The following NET1 variants were observed in gnomAD, a reference collection of about 807,000 sequenced individuals.
NET1 encodes neuroepithelial cell-transforming gene 1 protein.
In NET1, 42 loss-of-function variants were observed where a neutral mutation model predicts 61.1. That is an observed-to-expected ratio of 0.69 (90% confidence interval 0.54 to 0.89). The LOEUF is 0.89. Among genes scored for constraint, NET1 ranks in the 40% least tolerant of loss-of-function variants. The pLI, the probability that NET1 is intolerant of heterozygous loss-of-function variation, is 0.00. For missense variants in NET1, 654 were observed against 747.3 expected, an observed-to-expected ratio of 0.88 and a Z score of 1.46; for synonymous variants, 254 against 281.8, an observed-to-expected ratio of 0.90 and a Z score of 0.99.
chr10:5,445,242 A>G (rs1028645323), intron 3 of NET1, among the ~76,000 whole-genome samples: 3 of 152,220 alleles, frequency 2.0e-5, no homozygotes, highest in African/African-American at 4.8e-5. Flanking sequence ...TATGAAAAAT[A>G]TTACATTCAA....
rs67989874 is a variant in NET1, at chr10:5,451,503, CT to C, written c.256-319del. On this transcript the variant is annotated intron_variant, in intron 3 of 11. Transcript: ENST00000355029. The surrounding 1 kb of genome is among the most constrained non-coding windows in gnomAD (Gnocchi z 6.1). ...TTCGAAAATTTTCATAACAATAAGG[CT>C]TTTTTTTAAAAAAAAAAAAAGTTAT... 7.6e-6 allele frequency among the ~76,000 whole-genome samples: 1 copy of C among 131,430 alleles called. No homozygotes were observed. The highest frequency in any genetic ancestry group is 2.2e-4 in the East Asian group (1 of 4,598). The allele number at this position is 131,430 out of a possible 152,430, so 86.2% of individuals were successfully genotyped here. A position where few individuals can be genotyped will look rare whatever the true frequency, so the allele number is the denominator to read the frequency against.
chr10:5,449,242 A>G lies in NET1; in HGVS notation c.256-2588A>G, dbSNP rs1832667237. On this transcript the variant is annotated intron_variant, in intron 3 of 11. Coordinates refer to ENST00000355029, the MANE Select transcript of NET1 (RefSeq NM_001047160.3). This position sits in a 1 kb window ranked among gnomAD's most constrained non-coding sequence, Gnocchi z 4.4. ...TTGTTCATACTTTTAAAATATATAT[A>G]CTAAAAGTTTGTTTTGTATTTGCCA... is the stretch of plus-strand genomic sequence containing the variant. Among the ~76,000 whole-genome samples the G allele has an allele frequency of 1.3e-5, 2 of 152,292 alleles. No homozygotes were observed. The highest frequency in any genetic ancestry group is 1.3e-4 in the Admixed American group (2 of 15,292).
chr10:5,451,602 CT>C lies in NET1; in HGVS notation c.256-227del, dbSNP rs1832704744. ...CTTGTTTGAATTTTAATTTTTTCCC[CT>C]ATTGGAAATATTTGACTGGCCTTTC... On this transcript the variant is annotated intron_variant, in intron 3 of 11. Transcript: ENST00000355029. The surrounding 1 kb of genome is among the most constrained non-coding windows in gnomAD (Gnocchi z 6.1). Among the ~76,000 whole-genome samples the C allele has an allele frequency of 6.6e-6, 1 of 151,640 alleles. No homozygotes were observed. Among genetic ancestry groups the C allele is most frequent in the Admixed American group, 6.6e-5 (1 of 15,238 alleles).
Position 5,454,269 on chromosome 10 carries a change from C to G in NET1, c.773C>G (p.Pro258Arg). 1.9e-6 allele frequency: 3 copies of G among 1,610,866 alleles called. No individual in the cohort carries two copies. The highest frequency in any genetic ancestry group is 2.5e-6 in the Non-Finnish European group (3 of 1,179,072). Reference sequence around the variant, plus strand: ...TTTTCTTTTATTACTCTTCAGTTACCGCGCTTGAATGCCTACAGAGGTTAC... The same window carrying G: ...TTTTCTTTTATTACTCTTCAGTTACGGCGCTTGAATGCCTACAGAGGTTAC... ...QIGHILVSWLPRLNAYRGYCS... is the reference protein window; with the variant it reads ...QIGHILVSWLRRLNAYRGYCS... The change falls in exon 9 of 12, where the codon CCG becomes CGG. Residue 258 changes from proline (P) to arginine (R), a missense_variant. By Grantham distance (103) the Pro-to-Arg change is moderately radical. Coordinates refer to ENST00000355029, the MANE Select transcript of NET1 (RefSeq NM_001047160.3). The surrounding 1 kb of genome is among the most constrained non-coding windows in gnomAD (Gnocchi z 8.1).
Position 5,458,095 on chromosome 10 carries a change from G to A in NET1, c.*1101G>A, listed in dbSNP as rs377053157. On this transcript the variant is annotated 3_prime_UTR_variant, in exon 12 of 12. Coordinates refer to ENST00000355029, the MANE Select transcript of NET1 (RefSeq NM_001047160.3). The surrounding 1 kb of genome is among the most constrained non-coding windows in gnomAD (Gnocchi z 4.5). Reference sequence around the variant, plus strand: ...GTAGTAAGTTGTAGAAGGCTCGAGGGGACGTGGACTTATTTGCCTTGGTTT... The same window carrying A: ...GTAGTAAGTTGTAGAAGGCTCGAGGAGACGTGGACTTATTTGCCTTGGTTT... The A allele has an allele frequency of 1.3e-5, 2 of 152,078 alleles. No homozygotes were observed. Among genetic ancestry groups the A allele is most frequent in the African/African-American group, 4.8e-5 (2 of 41,414 alleles). The allele number at this position is 152,078 out of a possible 1,614,324, so 9.4% of individuals were successfully genotyped here. A position where few individuals can be genotyped will look rare whatever the true frequency, so the allele number is the denominator to read the frequency against.
At position 5,432,705 on chromosome 10, in the gene NET1, A is replaced by C. The variant is rs1225072814; in HGVS notation, c.255+3476A>C. On this transcript the variant is annotated intron_variant, in intron 3 of 11. Transcript: ENST00000355029. ...ACTCTTCTACCCTACTCACTCTTTCAGATGAAATCTTTTTTTTTTTTAATT... is the reference window on the plus strand; with the variant it reads ...ACTCTTCTACCCTACTCACTCTTTCCGATGAAATCTTTTTTTTTTTTAATT... 2.0e-5 allele frequency among the ~76,000 whole-genome samples: 3 copies of C among 148,066 alleles called. No individual in the cohort carries two copies. The East Asian group carries it at 5.9e-4, about 29-fold the overall frequency.
chr10:5,453,469 T>C lies in NET1; in HGVS notation c.692-15T>C. On this transcript the variant is annotated splice_polypyrimidine_tract_variant and intron_variant, in intron 7 of 11. Coordinates refer to ENST00000355029, the MANE Select transcript of NET1 (RefSeq NM_001047160.3). This position sits in a 1 kb window ranked among gnomAD's most constrained non-coding sequence, Gnocchi z 4.9. ...TAAACCTGTTAATGGTGTTTATGCT[T>C]TTTTATCACTTCAGATTTGTTGACA... is the stretch of plus-strand genomic sequence containing the variant. The C allele has an allele frequency of 1.2e-6, 2 of 1,613,946 alleles. No homozygotes were observed. The highest frequency in any genetic ancestry group is 1.7e-6 in the Non-Finnish European group (2 of 1,179,806).
chr10:5,428,724 T>C (rs1461444508), intron 2 of NET1, among the ~76,000 whole-genome samples: 1 of 136,894 alleles, frequency 7.3e-6, no homozygotes, highest in African/African-American at 2.8e-5. Flanking sequence ...TAATTTTCTT[T>C]GTTTTTTTTT....
rs1268897467 is a variant in NET1, at chr10:5,422,868, T to C, written c.129-3787T>C. On this transcript the variant is annotated intron_variant, in intron 1 of 11. Coordinates refer to ENST00000355029, the MANE Select transcript of NET1 (RefSeq NM_001047160.3). The surrounding 1 kb of genome is among the most constrained non-coding windows in gnomAD (Gnocchi z 4.1). ...CCAAATAAATGAATTGTTTCTATAATAATTTAGTTTGTTTTTGCCTGATTT... is the reference window on the plus strand; with the variant it reads ...CCAAATAAATGAATTGTTTCTATAACAATTTAGTTTGTTTTTGCCTGATTT... Among the ~76,000 whole-genome samples the C allele has an allele frequency of 6.6e-6, 1 of 152,210 alleles. No individual in the cohort carries two copies. The highest frequency in any genetic ancestry group is 1.9e-4 in the East Asian group (1 of 5,198).
At chr10:5,418,094 GAT>G (rs1421950689) in intron 1 of NET1, among the ~76,000 whole-genome samples, 1 of 152,038 alleles carries the variant, frequency 6.6e-6, no homozygotes, top group Non-Finnish European at 1.5e-5. Flanking sequence ...ATATTCATAA[GAT>G]ATTGATCTGT....
chr10:5,446,652 TGCCGAGGGTG>T lies in NET1; in HGVS notation c.256-5171_256-5162del. The T allele has an allele frequency of 7.6e-7, 1 of 1,311,692 alleles. No individual in the cohort carries two copies. The highest frequency in any genetic ancestry group is 2.5e-5 in the South Asian group (1 of 39,304). The allele number at this position is 1,311,692 out of a possible 1,614,324, so 81.3% of individuals were successfully genotyped here. On this transcript the variant is annotated intron_variant, in intron 3 of 11. Transcript: ENST00000355029. This position sits in a 1 kb window ranked among gnomAD's most constrained non-coding sequence, Gnocchi z 5.0. ...GCGGCGAGAGGCATGGGCACGTGGC[TGCCGAGGGTG>T]GCCGAGCTCTGGGAAGAAAAGCCCG...
In NET1 at chr10:5,435,749, T is replaced by C. The variant is rs1229613301; in HGVS notation, c.255+6520T>C. On this transcript the variant is annotated intron_variant, in intron 3 of 11. Transcript: ENST00000355029. This position sits in a 1 kb window ranked among gnomAD's most constrained non-coding sequence, Gnocchi z 5.0. ...AATTGAATTTTCATGTTATGGATCA[T>C]TAGCTATTTTGTCTTGAAGCTGTGA... is the stretch of plus-strand genomic sequence containing the variant. Among the ~76,000 whole-genome samples the C allele has an allele frequency of 6.6e-6, 1 of 152,178 alleles. No homozygotes were observed. The highest frequency in any genetic ancestry group is 1.5e-5 in the Non-Finnish European group (1 of 68,012).
At chr10:5,430,381 T>C (rs996799421) in intron 3 of NET1, among the ~76,000 whole-genome samples, 1 of 151,398 alleles carries the variant, frequency 6.6e-6, no homozygotes, top group African/African-American at 2.4e-5. Context: ...AAAAACTTTT[T>C]TTTTTTTTTT....
Position 5,440,145 on chromosome 10 carries a change from TATA to T in NET1, c.255+10919_255+10921del, listed in dbSNP as rs1446779934. On this transcript the variant is annotated intron_variant, in intron 3 of 11. Transcript: ENST00000355029. This position sits in a 1 kb window ranked among gnomAD's most constrained non-coding sequence, Gnocchi z 4.1. ...CTTCCTATTCACCAGGTCTTTTTGG[TATA>T]ATGTTATTAATACAGTGGGCCTGTA... Among the ~76,000 whole-genome samples the T allele has an allele frequency of 1.3e-5, 2 of 152,222 alleles. No individual in the cohort carries two copies.
Position 5,443,005 on chromosome 10 carries a change from G to A in NET1, c.256-8825G>A, listed in dbSNP as rs772934799. Among the ~76,000 whole-genome samples, 5 of 152,080 alleles carry A rather than the reference G, an allele frequency of 3.3e-5. No individual in the cohort carries two copies. Among genetic ancestry groups the A allele is most frequent in the Admixed American group, 6.6e-5 (1 of 15,266 alleles). On this transcript the variant is annotated intron_variant, in intron 3 of 11. Coordinates refer to ENST00000355029, the MANE Select transcript of NET1 (RefSeq NM_001047160.3). The surrounding 1 kb of genome is among the most constrained non-coding windows in gnomAD (Gnocchi z 4.8). The stretch of plus-strand genomic sequence containing the variant: ...CTATAAGGCAGCTAATCTCTCAACC[G>A]TTTTTATGGTTTCCTCCTCTATAAA...
intron 3 of NET1, among the ~76,000 whole-genome samples, chr10:5,436,568 G>C (rs565802564): frequency 1.3e-5 from 2 of 151,834 alleles, no homozygotes; most frequent in African/African-American, 4.8e-5. Context: ...GGTATACTCT[G>C]CCATTTTTAG....
chr10:5,456,251 A>G lies in NET1; in HGVS notation c.1362A>G (p.Gly454=), dbSNP rs776217419. 1 of 1,612,060 alleles carries G rather than the reference A, an allele frequency of 6.2e-7. No homozygotes were observed. The highest frequency in any genetic ancestry group is 8.5e-7 in the Non-Finnish European group (1 of 1,179,318). Residue 454 remains glycine, a synonymous_variant, in exon 11 of 12, where the codon GGA becomes GGG. Coordinates refer to ENST00000355029, the MANE Select transcript of NET1 (RefSeq NM_001047160.3). This position sits in a 1 kb window ranked among gnomAD's most constrained non-coding sequence, Gnocchi z 7.0. ...GDVRMGGSFR[G]AFSNSEKAKN... ...TGAGAATGGGAGGCTCCTTTCGAGG[A>G]GCTTTCAGTAACTCAGAGAAAGGTA...
In NET1 at chr10:5,446,594, C is replaced by T; in HGVS notation, c.256-5236C>T. 2 of 1,206,794 alleles carry T rather than the reference C, an allele frequency of 1.7e-6. No individual in the cohort carries two copies. Among genetic ancestry groups the T allele is most frequent in the Non-Finnish European group, 2.1e-6 (2 of 969,732 alleles). 74.8% of individuals were successfully genotyped at this position (1,206,794 alleles called of 1,614,324 possible). On this transcript the variant is annotated intron_variant, in intron 3 of 11. Transcript: ENST00000355029. The surrounding 1 kb of genome is among the most constrained non-coding windows in gnomAD (Gnocchi z 5.0). The stretch of plus-strand genomic sequence containing the variant: ...CCCCGAGCCCTGGGGTCGGTGCTTG[C>T]TGCCTGCGGCTCTCAGAAGCCTCTG...
At position 5,452,980 on chromosome 10, in the gene NET1, TA is replaced by T; in HGVS notation, c.594+63del. 8.7e-7 allele frequency: 1 copy of T among 1,151,040 alleles called. No homozygotes were observed. The highest frequency in any genetic ancestry group is 1.3e-6 in the Non-Finnish European group (1 of 765,590). The allele number at this position is 1,151,040 out of a possible 1,614,324, so 71.3% of individuals were successfully genotyped here. A position where few individuals can be genotyped will look rare whatever the true frequency, so the allele number is the denominator to read the frequency against. On this transcript the variant is annotated intron_variant, in intron 6 of 11. Transcript: ENST00000355029. The surrounding 1 kb of genome is among the most constrained non-coding windows in gnomAD (Gnocchi z 4.0). ...TTTAAAAATTACATTTCACAAAATC[TA>T]AAGGATAGTTTTCTTAACCTTTAGA...
Sources: gnomAD v4.1 joint callset for allele counts (sites outside exome capture counted in the v4.1 genomes callset) on GRCh38, gnomAD v4.1.1 for gene constraint, Gnocchi (gnomAD v3.1) non-coding constraint, MANE v1.5 for transcripts, NCBI Gene and HGNC (gene_info 2026-07-23, HGNC 2026-07-21) for gene names.